Variants in AGBL1 observed in about 807,000 individuals in gnomAD.
The protein encoded by AGBL1 is AGBL carboxypeptidase 1, also known as cytosolic carboxypeptidase 4.
Under a neutral mutation model 118.9 loss-of-function variants are expected in AGBL1, and 130 were observed. The observed-to-expected ratio is 1.09, with a 90% confidence interval of 0.95 to 1.26. The LOEUF (loss-of-function observed/expected upper bound fraction) is 1.26. Among genes scored for constraint, AGBL1 ranks in the 50% most tolerant of loss-of-function variants. The probability of loss-of-function intolerance (pLI) is 0.00; values close to 1 mark genes in which losing one functional copy is unlikely to be tolerated. For synonymous variants in AGBL1, 555 were observed against 478.9 expected (o/e 1.16, Z -2.08); for missense variants, 1,584 against 1,298.1 (o/e 1.22, Z -3.38).
intron 22 of AGBL1, among the ~76,000 whole-genome samples, chr15:86,698,552 T>C (rs745354374): frequency 1.3e-5 from 2 of 151,872 alleles, no homozygotes; most frequent in African/African-American, 2.4e-5. Flanking sequence ...TAAAACAATA[T>C]ATTGTTGCAT....
intron 17 of AGBL1, among the ~76,000 whole-genome samples, chr15:86,345,642 C>G (rs2080525175): frequency 6.6e-6 from 1 of 152,194 alleles, no homozygotes; most frequent in South Asian, 2.1e-4. Flanking sequence ...CTTCTGAAAT[C>G]TCTAACTTTT....
chr15:86,219,166 G>A (rs1385188806), intron 5 of AGBL1, among the ~76,000 whole-genome samples: 1 of 152,144 alleles, frequency 6.6e-6, no homozygotes, highest in East Asian at 1.9e-4. Context: ...TCTCCTGACT[G>A]GTGAATGATG....
chr15:86,970,192 C>A (rs1202571958), intron 23 of AGBL1, among the ~76,000 whole-genome samples: 1 of 151,796 alleles, frequency 6.6e-6, no homozygotes, highest in Non-Finnish European at 1.5e-5. Context: ...TCCTTCCAGC[C>A]CTCAGAACAA....
At position 86,811,649 on chromosome 15, in the gene AGBL1, C is replaced by G. The variant is rs1357589420; in HGVS notation, c.3159-95438C>G. On this transcript the variant is annotated intron_variant, in intron 22 of 22. Coordinates refer to ENST00000614907, the MANE Select transcript of AGBL1 (RefSeq NM_001386094.1). ...AGCAATCATGGAATAATCTTAGTTT[C>G]CTAGGATTTTAGAGGGCTCAGTCCC... Among the ~76,000 whole-genome samples, 3 of 152,084 alleles carry G rather than the reference C, an allele frequency of 2.0e-5. No homozygotes were observed. The East Asian group carries it at 5.8e-4, about 29-fold the overall frequency.
chr15:86,985,588 G>A (rs971115190), intron 23 of AGBL1, among the ~76,000 whole-genome samples: 5 of 149,984 alleles, frequency 3.3e-5, no homozygotes, highest in African/African-American at 7.4e-5. Context: ...GGTTGTTTGC[G>A]TTCTCATTTA....
chr15:86,824,668 A>C (rs1388281056), intron 22 of AGBL1, among the ~76,000 whole-genome samples: 1 of 152,154 alleles, frequency 6.6e-6, no homozygotes, highest in Non-Finnish European at 1.5e-5. Flanking sequence ...GAATCACTCT[A>C]CCTGACACTT....
chr15:86,135,812 G>T (rs12911063), intron 1 of AGBL1, among the ~76,000 whole-genome samples: 23,552 of 152,078 alleles, frequency 0.15, 2,130 homozygotes, highest in Admixed American at 0.2. Flanking sequence ...TTGGACTAGC[G>T]TCCAGATTGA....
chr15:86,527,265 T>C (rs2142210367), intron 19 of AGBL1, among the ~76,000 whole-genome samples: 1 of 152,154 alleles, frequency 6.6e-6, no homozygotes, highest in African/African-American at 2.4e-5. Context: ...ACACATTCAA[T>C]CCACAACAAA....
rs71460234 is a variant in AGBL1, at chr15:86,964,008, A to ACTCTCTCT, written c.3222-23962_3222-23955dup. On this transcript the variant is annotated intron_variant, in intron 23 of 24. Transcript: ENST00000441037. Reference sequence around the variant, plus strand: ...ACTAATGGAAGATCTGAGCCAGGAAACTCTCTCTCTCTCTCTCTCTCTCTG... The same window carrying ACTCTCTCT: ...ACTAATGGAAGATCTGAGCCAGGAAACTCTCTCTCTCTCTCTCTCTCTCTCTCTCTCTG... Among the ~76,000 whole-genome samples, 969 of 139,468 alleles carry ACTCTCTCT rather than the reference A, an allele frequency of 6.9e-3. 5 individuals carry two copies. Among genetic ancestry groups the ACTCTCTCT allele is most frequent in the African/African-American group, 0.01 (382 of 37,652 alleles). The allele number at this position is 139,468 out of a possible 152,430, so 91.5% of individuals were successfully genotyped here.
chr15:86,747,798 G>A, intron 22 of AGBL1, among the ~76,000 whole-genome samples: 1 of 152,112 alleles, frequency 6.6e-6, no homozygotes, highest in Non-Finnish European at 1.5e-5. Context: ...TCCCTACAAA[G>A]GACATGAACT....
chr15:86,343,528 T>A (rs1158549462), intron 17 of AGBL1, among the ~76,000 whole-genome samples: 1 of 152,212 alleles, frequency 6.6e-6, no homozygotes, highest in Non-Finnish European at 1.5e-5. Flanking sequence ...AAATTATTCT[T>A]GCTTCTGCAT....
chr15:86,919,401 G>T (rs769882200), downstream of AGBL1, among the ~76,000 whole-genome samples: 1 of 151,970 alleles, frequency 6.6e-6, no homozygotes, highest in African/African-American at 2.4e-5. Context: ...TTTTGTTGTT[G>T]TTTTTTGTTT....
chr15:86,306,019 T>C (rs2079834795), intron 17 of AGBL1, among the ~76,000 whole-genome samples: 1 of 152,050 alleles, frequency 6.6e-6, no homozygotes, highest in Non-Finnish European at 1.5e-5. Flanking sequence ...ATTTTTTTTA[T>C]TTTTAATTTT....
At chr15:86,879,808 C>T (rs1315407483) in intron 22 of AGBL1, among the ~76,000 whole-genome samples, 3 of 152,094 alleles carry the variant, frequency 2.0e-5, no homozygotes, top group Non-Finnish European at 4.4e-5. Flanking sequence ...CCACAGGCTT[C>T]GTGCCAGGGC....
intron 21 of AGBL1, among the ~76,000 whole-genome samples, chr15:86,631,786 C>A (rs1381026053): frequency 6.6e-6 from 1 of 152,210 alleles, no homozygotes; most frequent in African/African-American, 2.4e-5. Flanking sequence ...CTGTTCCTAT[C>A]TGAATGGAGC....
chr15:86,251,023 A>C (rs943658757), intron 7 of AGBL1, among the ~76,000 whole-genome samples: 1 of 152,194 alleles, frequency 6.6e-6, no homozygotes, highest in Non-Finnish European at 1.5e-5. Flanking sequence ...GGAAGAGAAG[A>C]AGTAGGAGAA....
intron 22 of AGBL1, among the ~76,000 whole-genome samples, chr15:86,818,862 G>GC (rs2078901263): frequency 6.6e-6 from 1 of 152,072 alleles, no homozygotes; most frequent in African/African-American, 2.4e-5. Flanking sequence ...CTAAGGCTTT[G>GC]TTTACTTATT....
In AGBL1 at chr15:86,217,894, C is replaced by G. The variant is rs148230389; in HGVS notation, c.489-7020C>G. 1.6e-3 allele frequency among the ~76,000 whole-genome samples: 250 copies of G among 152,182 alleles called. 2 individuals carry two copies. The East Asian group carries it at 0.019, about 12-fold the overall frequency. On this transcript the variant is annotated intron_variant, in intron 5 of 22. Coordinates refer to ENST00000614907, the MANE Select transcript of AGBL1 (RefSeq NM_001386094.1). ...TGTGGGGTAGCAATGTGAGGGTGCTCAAATCTGAGCCTCTGATTGAGAAGA... is the reference window on the plus strand; with the variant it reads ...TGTGGGGTAGCAATGTGAGGGTGCTGAAATCTGAGCCTCTGATTGAGAAGA...
At chr15:86,984,377 T>C (rs1483892697) in intron 23 of AGBL1, among the ~76,000 whole-genome samples, 8 of 147,896 alleles carry the variant, frequency 5.4e-5, no homozygotes, top group Non-Finnish European at 1.2e-4. Context: ...TTTTTTTTTT[T>C]TCCTGGAGAC....
Sources: gnomAD v4.1 joint callset for allele counts (sites outside exome capture counted in the v4.1 genomes callset) on GRCh38, gnomAD v4.1.1 for gene constraint, MANE v1.5 for transcripts, NCBI Gene and HGNC (gene_info 2026-07-23, HGNC 2026-07-21) for gene names.